GLI3: variants seen among roughly 807,000 people sequenced by gnomAD.
GLI3 encodes transcription activator GLI3.
Under a neutral mutation model 100.8 loss-of-function variants are expected in GLI3, and 20 were observed. The ratio of observed to expected loss-of-function variants is 0.20; its 90% CI spans 0.14 to 0.29. GLI3 has a LOEUF of 0.29. Among genes scored for constraint, GLI3 ranks in the 10% least tolerant of loss-of-function variants. The pLI is 1.00. For missense variants in GLI3, 2,040 were observed against 2,128.5 expected (o/e 0.96, Z 0.82); for synonymous variants, 938 against 860.5 (o/e 1.09, Z -1.58).
intron 10 of GLI3, among the ~76,000 whole-genome samples, chr7:42,013,270 GTAT>G (rs1201205262): frequency 6.6e-6 from 1 of 152,084 alleles, no homozygotes; most frequent in Admixed American, 6.6e-5. Flanking sequence ...TTCATTCTCT[GTAT>G]TCGTCCAAAA....
At chr7:42,171,221 T>C (rs1787366116) in intron 2 of GLI3, among the ~76,000 whole-genome samples, 1 of 152,230 alleles carries the variant, frequency 6.6e-6, no homozygotes, top group Non-Finnish European at 1.5e-5. Flanking sequence ...TGGCCTTTTC[T>C]ATCATACAAG....
At chr7:42,257,574 G>A (rs1329481980) in intron 1 of GLI3, among the ~76,000 whole-genome samples, 1 of 152,006 alleles carries the variant, frequency 6.6e-6, no homozygotes, top group Non-Finnish European at 1.5e-5. Context: ...TCCATCTCCT[G>A]ACCTCGTGAT....
At chr7:42,255,296 A>T (rs1484070113) in intron 1 of GLI3, among the ~76,000 whole-genome samples, 2 of 152,184 alleles carry the variant, frequency 1.3e-5, no homozygotes, top group African/African-American at 4.8e-5. Flanking sequence ...TAGCACTGCC[A>T]GCCTTATCAT....
At chr7:42,155,978 A>T (rs949616103) in intron 2 of GLI3, among the ~76,000 whole-genome samples, 15 of 151,770 alleles carry the variant, frequency 9.9e-5, no homozygotes, top group African/African-American at 3.6e-4. Flanking sequence ...CCCCATCTCT[A>T]CCCCCGGGAG....
chr7:42,069,583 CAGTAGAAAAGCATAAA>C (rs1404187450), intron 4 of GLI3, among the ~76,000 whole-genome samples: 4 of 151,962 alleles, frequency 2.6e-5, no homozygotes, highest in African/African-American at 9.7e-5. Context: ...TGAACAATAG[CAGTAGAAAAGCATAAA>C]AGTAGAAAAC....
intron 10 of GLI3, among the ~76,000 whole-genome samples, chr7:42,021,184 T>A (rs904231500): frequency 8.5e-5 from 13 of 152,338 alleles, no homozygotes; most frequent in Admixed American, 5.2e-4. Context: ...TATTCTTATT[T>A]ATGTTGTTGT....
At chr7:42,216,582 G>A (rs950171044) in intron 2 of GLI3, among the ~76,000 whole-genome samples, 8 of 152,118 alleles carry the variant, frequency 5.3e-5, no homozygotes, top group Non-Finnish European at 1.0e-4. Flanking sequence ...TATGTATGAC[G>A]GGGTATATGA....
chr7:42,247,590 G>A (rs530658844), intron 1 of GLI3, among the ~76,000 whole-genome samples: 4 of 152,292 alleles, frequency 2.6e-5, no homozygotes, highest in South Asian at 4.2e-4. Flanking sequence ...TTCTGCTTCC[G>A]TGTAAGTTTG....
chr7:41,968,389 A>G (rs769195673), intron 13 of GLI3, among the ~76,000 whole-genome samples: 6 of 152,118 alleles, frequency 3.9e-5, no homozygotes, highest in Non-Finnish European at 7.4e-5. Context: ...GATAATAGCA[A>G]TTGGTTCACA....
At chr7:42,233,170 C>G (rs1386652377) in intron 1 of GLI3, among the ~76,000 whole-genome samples, 1 of 152,074 alleles carries the variant, frequency 6.6e-6, no homozygotes, top group Non-Finnish European at 1.5e-5. Context: ...ATAATTATGG[C>G]AATTTTTAAA....
intron 2 of GLI3, among the ~76,000 whole-genome samples, chr7:42,217,772 T>G (rs1238686996): frequency 6.6e-6 from 1 of 152,262 alleles, no homozygotes; most frequent in South Asian, 2.1e-4. Flanking sequence ...AATTCACCAT[T>G]ACTTTTGGCA....
At position 42,048,627 on chromosome 7, in the gene GLI3, G is replaced by A. The variant is rs1784294344; in HGVS notation, c.543C>T (p.Asn181=). 4 of 1,610,912 alleles carry A rather than the reference G, an allele frequency of 2.5e-6. No homozygotes were observed. The highest frequency in any genetic ancestry group is 2.2e-5 in the East Asian group (1 of 44,802). Residue 181 remains asparagine (N), a synonymous_variant, in exon 5 of 15, where the codon AAC becomes AAT. Coordinates refer to ENST00000395925, the MANE Select transcript of GLI3 (RefSeq NM_000168.6). ...LPFIRISPHR[N]PTAASESPFS... ...AGGGAGACTCGGAAGCAGCAGTGGGGTTCCGGTGTGGGGAGATCCTAATGA... is the reference window on the plus strand; with the variant it reads ...AGGGAGACTCGGAAGCAGCAGTGGGATTCCGGTGTGGGGAGATCCTAATGA...
At chr7:42,022,364 G>A (rs1022616691) in intron 10 of GLI3, among the ~76,000 whole-genome samples, 4 of 152,190 alleles carry the variant, frequency 2.6e-5, no homozygotes, top group African/African-American at 7.2e-5. Context: ...CGTGTGGGAT[G>A]TAAGAGGGAC....
chr7:42,010,339 C>A (rs1047554371), intron 10 of GLI3, among the ~76,000 whole-genome samples: 12 of 152,198 alleles, frequency 7.9e-5, no homozygotes, highest in African/African-American at 2.9e-4. Context: ...TAGGGGAGTG[C>A]ACTGGGAGCT....
At chr7:42,232,363 A>C (rs4329188) in intron 1 of GLI3, among the ~76,000 whole-genome samples, 1 of 152,228 alleles carries the variant, frequency 6.6e-6, no homozygotes, top group Admixed American at 6.5e-5. Context: ...AAACCCAGTC[A>C]AGCGGAAATC....
At chr7:42,060,353 G>A (rs959235564) in intron 4 of GLI3, among the ~76,000 whole-genome samples, 1 of 151,958 alleles carries the variant, frequency 6.6e-6, no homozygotes, top group Non-Finnish European at 1.5e-5. Context: ...ATGTCACTTC[G>A]GCATTACTTA....
chr7:42,007,222 T>TA (rs35750462), intron 10 of GLI3, among the ~76,000 whole-genome samples: 47,240 of 122,624 alleles, frequency 0.39, 10,999 homozygotes, highest in African/African-American at 0.68. Flanking sequence ...GGAGGAAATT[T>TA]AAAAAAAAAA....
At chr7:42,129,939 T>G (rs1486386020) in intron 3 of GLI3, among the ~76,000 whole-genome samples, 1 of 152,158 alleles carries the variant, frequency 6.6e-6, no homozygotes, top group African/African-American at 2.4e-5. Flanking sequence ...GATAAAAATT[T>G]TATGACTCTT....
chr7:42,237,755 G>A (rs894520735), upstream of GLI3: 10 of 152,116 alleles, frequency 6.6e-5, no homozygotes, highest in Non-Finnish European at 1.2e-4. Context: ...GGGCGAAGTT[G>A]GGAAAACTTG....
Sources: allele counts gnomAD v4.1 joint callset (sites outside exome capture counted in the v4.1 genomes callset), GRCh38; gene constraint gnomAD v4.1.1; transcripts MANE v1.5; gene names NCBI Gene and HGNC (gene_info 2026-07-23, HGNC 2026-07-21).